EXOC1: variants seen among roughly 807,000 people sequenced by gnomAD.
EXOC1 encodes SEC3-like 1.
A neutral mutation model predicts 107.7 loss-of-function variants in EXOC1; 67 were observed. That is an observed-to-expected ratio of 0.62 (90% CI 0.51 to 0.76). The LOEUF (loss-of-function observed/expected upper bound fraction) is 0.76. EXOC1 is among the 30% of genes least tolerant of loss of function. EXOC1 has a pLI of 0.00. For missense variants in EXOC1, 833 were observed against 1,055.7 expected (o/e 0.79, Z 2.92); for synonymous variants, 348 against 353.5 (o/e 0.98, Z 0.17).
At chr4:55,869,125 G>A (rs1426810612) in intron 5 of EXOC1, among the ~76,000 whole-genome samples, 2 of 152,032 alleles carry the variant, frequency 1.3e-5, no homozygotes. Context: ...CAACACTTTC[G>A]GAGACTGAGG....
chr4:55,868,646 A>G lies in EXOC1; in HGVS notation c.603+123A>G, dbSNP rs531322645. 9.5e-6 allele frequency: 7 copies of G among 737,744 alleles called. No homozygotes were observed. In the East Asian group the frequency reaches 2.1e-4, roughly 22 times the overall value. The allele number at this position is 737,744 out of a possible 1,614,324, so 45.7% of individuals were successfully genotyped here. ...GTGTGTTATTGCCATCTTTATCTAT[A>G]AGCACATTACCAGCTGCCATCAGTC... On this transcript the variant is annotated intron_variant, in intron 5 of 18. Transcript: ENST00000381295.
At chr4:55,872,694 T>C (rs1279071207) in intron 8 of EXOC1, 1 of 648,812 alleles carries the variant, frequency 1.5e-6, no homozygotes, top group African/African-American at 2.0e-5. Context: ...GGATTTTTAC[T>C]TTATTTTCAC....
At chr4:55,888,544 A>G (rs1403341196) in intron 10 of EXOC1, among the ~76,000 whole-genome samples, 2 of 152,106 alleles carry the variant, frequency 1.3e-5, no homozygotes, top group Non-Finnish European at 2.9e-5. Flanking sequence ...TTTTCTCAGG[A>G]AACCCAAACT....
intron 4 of EXOC1, among the ~76,000 whole-genome samples, chr4:55,866,329 TC>T (rs1385164744): frequency 6.6e-6 from 1 of 152,224 alleles, no homozygotes; most frequent in Non-Finnish European, 1.5e-5. Flanking sequence ...GCCTTTTTTT[TC>T]ATTCTTTTAC....
At chr4:55,872,843 T>G (rs1360222903) in intron 8 of EXOC1, 6 of 882,676 alleles carry the variant, frequency 6.8e-6, no homozygotes, top group Non-Finnish European at 6.8e-6. Flanking sequence ...GCTTCTCTGA[T>G]TCTGTTTTTT....
Position 55,888,847 on chromosome 4 carries a change from CTTGTCT to C in EXOC1, c.1331-31_1331-26del, listed in dbSNP as rs1314703911. The C allele has an allele frequency of 3.1e-6, 5 of 1,610,504 alleles. No homozygotes were observed. In the Admixed American group the frequency reaches 6.7e-5, roughly 22 times the overall value. On this transcript the variant is annotated intron_variant, in intron 10 of 18. Transcript: ENST00000381295. ...GTTTGTGCAAATTGCAGTTTATTAA[CTTGTCT>C]TTGTCTTTGATGCTTGCAACCTAAT...
intron 1 of EXOC1, among the ~76,000 whole-genome samples, chr4:55,857,736 C>T (rs143854797): frequency 7.2e-5 from 11 of 152,186 alleles, no homozygotes; most frequent in Admixed American, 3.3e-4. Flanking sequence ...TTTTACAATC[C>T]CACCAGCAAT....
intron 8 of EXOC1, chr4:55,877,385 A>G (rs987961978): frequency 1.5e-5 from 15 of 985,274 alleles, no homozygotes; most frequent in Non-Finnish European, 1.8e-5. Flanking sequence ...TGTATTTTCA[A>G]TTTGAATCTG....
chr4:55,890,502 C>G (rs1724391016), intron 12 of EXOC1, 116 bp downstream of exon 12: 1 of 629,472 alleles, frequency 1.6e-6, no homozygotes, highest in East Asian at 2.9e-5. Flanking sequence ...TAAGCATTAA[C>G]CATGTCTTTC....
At chr4:55,863,482 G>A (rs1319137916) in intron 3 of EXOC1, among the ~76,000 whole-genome samples, 1 of 152,086 alleles carries the variant, frequency 6.6e-6, no homozygotes, top group Non-Finnish European at 1.5e-5. Flanking sequence ...ATGCTGGTAT[G>A]TGTCCGTGTC....
rs1361611831 is a variant in EXOC1, at chr4:55,899,786, T to C, written c.2239T>C (p.Cys747Arg). The C allele has an allele frequency of 6.2e-7, 1 of 1,613,670 alleles. No homozygotes were observed. Among genetic ancestry groups the C allele is most frequent in the African/African-American group, 1.3e-5 (1 of 75,042 alleles). Reference sequence around the variant, plus strand: ...AACTCTTTCTCGATTGAAAATCTCATGTCTAGAAGCAGAAAAAAAAGAAGC... The same window carrying C: ...AACTCTTTCTCGATTGAAAATCTCACGTCTAGAAGCAGAAAAAAAAGAAGC... ...FATLSRLKIS[C>R]LEAEKKEAKQ... Residue 747 changes from cysteine to arginine, a missense_variant, in exon 17 of 19, where the codon TGT (cysteine) becomes CGT (arginine). By Grantham distance (180) the Cys-to-Arg change is radical. Transcript: ENST00000381295.
At chr4:55,893,854 G>C in intron 15 of EXOC1, 74 bp downstream of exon 15, 1 of 1,220,692 alleles carries the variant, frequency 8.2e-7, no homozygotes, top group Non-Finnish European at 1.1e-6. Flanking sequence ...ATTTAAAATC[G>C]AGGGATTTCC....
chr4:55,895,454 C>T (rs1725090623), intron 15 of EXOC1, among the ~76,000 whole-genome samples: 3 of 152,234 alleles, frequency 2.0e-5, no homozygotes, highest in African/African-American at 7.2e-5. Context: ...TCACAGTTAC[C>T]AATACTGATG....
At chr4:55,886,380 C>T (rs1459606099) in intron 10 of EXOC1, among the ~76,000 whole-genome samples, 1 of 151,496 alleles carries the variant, frequency 6.6e-6, no homozygotes, top group East Asian at 1.9e-4. Flanking sequence ...TGGCAAAACC[C>T]CATATATACA....
At chr4:55,879,723 C>G (rs1250380804) in intron 9 of EXOC1, among the ~76,000 whole-genome samples, 1 of 152,116 alleles carries the variant, frequency 6.6e-6, no homozygotes, top group Non-Finnish European at 1.5e-5. Flanking sequence ...GAATTCCCAC[C>G]TATCTAGTCA....
intron 15 of EXOC1, among the ~76,000 whole-genome samples, chr4:55,895,125 T>A (rs1725052622): frequency 6.6e-6 from 1 of 152,214 alleles, no homozygotes; most frequent in African/African-American, 2.4e-5. Flanking sequence ...CCTGTCATAC[T>A]TCTGTATATC....
At chr4:55,903,889 TAAAG>T (rs1242466274) in intron 18 of EXOC1, among the ~76,000 whole-genome samples, 1 of 152,134 alleles carries the variant, frequency 6.6e-6, no homozygotes, top group Non-Finnish European at 1.5e-5. Context: ...CAATTTTAGA[TAAAG>T]AAAACTTTAA....
intron 9 of EXOC1, chr4:55,882,779 C>T (rs1723529118): frequency 1.3e-5 from 2 of 152,040 alleles, no homozygotes; most frequent in Admixed American, 6.5e-5. Context: ...ATCTTTAAAG[C>T]AGGTAAACAT....
At chr4:55,888,818 C>A (rs1724179968) in intron 10 of EXOC1, 70 bp from the exon 11 acceptor site, 1 of 1,495,356 alleles carries the variant, frequency 6.7e-7, no homozygotes, top group Admixed American at 1.7e-5. Flanking sequence ...TCCTCTTGTG[C>A]ATGGTTTGTG....
Sources: gnomAD v4.1 joint callset for allele counts (sites outside exome capture counted in the v4.1 genomes callset) on GRCh38, gnomAD v4.1.1 for gene constraint, MANE v1.5 for transcripts, NCBI Gene and HGNC (gene_info 2026-07-23, HGNC 2026-07-21) for gene names.